CCKAR: variants seen among roughly 807,000 people sequenced by gnomAD.
CCKAR encodes cholecystokinin receptor type A.
CCKAR carries 21 observed loss-of-function variants against 29.8 expected under a neutral mutation model. The ratio of observed to expected loss-of-function variants is 0.70; its 90% CI spans 0.50 to 1.01. The LOEUF (loss-of-function observed/expected upper bound fraction) is 1.01, where lower values mean the gene tolerates loss of function less well. Among genes scored for constraint, CCKAR ranks in the 50% least tolerant of loss-of-function variants. The probability of loss-of-function intolerance (pLI) is 0.00; values close to 1 mark genes in which losing one functional copy is unlikely to be tolerated. For synonymous variants in CCKAR, 238 were observed against 221.3 expected (o/e 1.08, Z -0.67); for missense variants, 570 against 560.6 (o/e 1.02, Z -0.17).
intron 3 of CCKAR, 113 bp from the exon 4 acceptor site, chr4:26,483,396 T>C (rs1351030653): frequency 4.3e-6 from 4 of 921,706 alleles, no homozygotes; most frequent in Non-Finnish European, 6.4e-6. Context: ...AACACATTAA[T>C]TACTAGTATT....
chr4:26,487,980 C>T (rs187767053), intron 2 of CCKAR, among the ~76,000 whole-genome samples: 35 of 150,018 alleles, frequency 2.3e-4, no homozygotes, highest in Admixed American at 1.7e-3. Context: ...TTTGGTGGCA[C>T]GAGGGTCAGT....
intron 4 of CCKAR, among the ~76,000 whole-genome samples, chr4:26,482,484 C>A (rs945260283): frequency 6.6e-6 from 1 of 152,284 alleles, no homozygotes; most frequent in South Asian, 2.1e-4. Flanking sequence ...AGGGAAGGTT[C>A]CTGCTTGCTG....
intron 2 of CCKAR, 23 bp downstream of exon 2, chr4:26,489,210 A>G: frequency 6.2e-7 from 1 of 1,613,340 alleles, no homozygotes. Context: ...AAGCTCCAGA[A>G]AGAGTCACCA....
At chr4:26,483,030 A>C in intron 4 of CCKAR, 126 bp downstream of exon 4, 1 of 891,766 alleles carries the variant, frequency 1.1e-6, no homozygotes, top group Admixed American at 2.5e-5. Flanking sequence ...TTGACACAGA[A>C]TCTCATAAGA....
chr4:26,489,483 C>T lies in CCKAR; in HGVS notation c.114G>A (p.Glu38=). The T allele has an allele frequency of 1.2e-6, 2 of 1,613,448 alleles. No homozygotes were observed. Among genetic ancestry groups the T allele is most frequent in the African/African-American group, 1.3e-5 (1 of 75,036 alleles). Residue 38 remains glutamate, a splice_region_variant and synonymous_variant, in exon 2 of 5, where the codon GAG becomes GAA. Transcript: ENST00000295589. ...FCLDQPRPSK[E]WQPAVQILLY... Reference sequence around the variant, plus strand: ...AGAGAATCTGCACCGCTGGCTGCCACTCTGCAGAGAGAAACAGGAGCAAGA... The same window carrying T: ...AGAGAATCTGCACCGCTGGCTGCCATTCTGCAGAGAGAAACAGGAGCAAGA...
rs747224459 is a variant in CCKAR, at chr4:26,481,841, A to C, written c.1084T>G (p.Ser362Ala). ...TAGATGATGGGGTTGACGCAGGAGG[A>C]GGTGTAGGACAGGAGGAGGATGAAG... ...ISFILLLSYTSSCVNPIIYCF... is the reference protein window; with the variant it reads ...ISFILLLSYTASCVNPIIYCF... The change falls in exon 5 of 5, where the codon TCC (serine) becomes GCC (alanine). Residue 362 changes from serine to alanine, a missense_variant. Ser to Ala is a moderately conservative substitution (Grantham distance 99). Transcript: ENST00000295589. 2.5e-6 allele frequency: 4 copies of C among 1,613,640 alleles called. No homozygotes were observed. Among genetic ancestry groups the C allele is most frequent in the Middle Eastern group, 1.6e-4 (1 of 6,084 alleles).
Position 26,483,209 on chromosome 4 carries a change from A to G in CCKAR, c.701T>C (p.Leu234Ser). Reference protein sequence around the residue: ...VMMVAYGLISLELYQGIKFEA... With the variant: ...VMMVAYGLISSELYQGIKFEA... ...AAATTTTATTCCCTGGTAGAGTTCC[A>G]AAGAGATTAATCCATATGCCACCAT... is the stretch of plus-strand genomic sequence containing the variant. Residue 234 changes from leucine to serine, a missense_variant, in exon 4 of 5, where the codon TTG (leucine) becomes TCG (serine). Transcript: ENST00000295589. 6.2e-7 allele frequency: 1 copy of G among 1,613,902 alleles called. No individual in the cohort carries two copies. The highest frequency in any genetic ancestry group is 8.5e-7 in the Non-Finnish European group (1 of 1,179,890).
At chr4:26,482,557 A>C (rs1737371320) in intron 4 of CCKAR, among the ~76,000 whole-genome samples, 1 of 152,128 alleles carries the variant, frequency 6.6e-6, no homozygotes, top group Non-Finnish European at 1.5e-5. Context: ...TCCCATGAAA[A>C]CCAAAGAAGC....
At position 26,490,408 on chromosome 4, in the gene CCKAR, T is replaced by C. The variant is rs201311032; in HGVS notation, c.-141A>G. On this transcript the variant is annotated 5_prime_UTR_variant, in exon 1 of 5. Transcript: ENST00000295589. ...GGGAGTGATTTCCAGGTGTGGGCTTTTTCAGCCATTCCTAAAGGCGACTTG... is the reference window on the plus strand; with the variant it reads ...GGGAGTGATTTCCAGGTGTGGGCTTCTTCAGCCATTCCTAAAGGCGACTTG... 4.3e-5 allele frequency: 27 copies of C among 623,002 alleles called. No individual in the cohort carries two copies. In the African/African-American group the frequency reaches 5.0e-4, roughly 11 times the overall value. The allele number at this position is 623,002 out of a possible 1,614,324, so 38.6% of individuals were successfully genotyped here. A position where few individuals can be genotyped will look rare whatever the true frequency, so the allele number is the denominator to read the frequency against.
At chr4:26,483,506 T>G (rs1737392138) in intron 3 of CCKAR, among the ~76,000 whole-genome samples, 1 of 152,234 alleles carries the variant, frequency 6.6e-6, no homozygotes, top group Non-Finnish European at 1.5e-5. Context: ...ACTAGTTTAA[T>G]TGGAAAAGTT....
In CCKAR at chr4:26,490,405, CT is replaced by C; in HGVS notation, c.-139del. 1 of 627,250 alleles carries C rather than the reference CT, an allele frequency of 1.6e-6. No individual in the cohort carries two copies. The highest frequency in any genetic ancestry group is 2.9e-6 in the Non-Finnish European group (1 of 344,254). 38.9% of individuals were successfully genotyped at this position (627,250 alleles called of 1,614,324 possible). On this transcript the variant is annotated 5_prime_UTR_variant, in exon 1 of 5. It introduces an in-frame stop codon into an upstream open reading frame of the 5' UTR. Transcript: ENST00000295589. ...GGAGGGAGTGATTTCCAGGTGTGGG[CT>C]TTTTCAGCCATTCCTAAAGGCGACT...
intron 2 of CCKAR, among the ~76,000 whole-genome samples, chr4:26,486,099 A>G (rs1737445915): frequency 6.6e-6 from 1 of 152,224 alleles, no homozygotes. Flanking sequence ...CAGTTAAAGA[A>G]ATGGCTTTGT....
chr4:26,482,245 C>G, intron 4 of CCKAR, 75 bp from the exon 5 acceptor site: 1 of 1,430,408 alleles, frequency 7.0e-7, no homozygotes, highest in Non-Finnish European at 9.5e-7. Context: ...CCCCACTCCC[C>G]TCCATCAAGA....
Position 26,482,145 on chromosome 4 carries a change from G to T in CCKAR, c.780C>A (p.Ser260Arg), listed in dbSNP as rs200117329. ...ACCCATCGCTGTCCTCATATTTGCC[G>T]CTGCTGGTGGTGCTAGGTTTCCTTT... ...AKERKPSTTS[S>R]GKYEDSDGCY... The change falls in exon 5 of 5, where the codon AGC (serine) becomes AGA (arginine). Residue 260 changes from serine (S) to arginine (R), a missense_variant. Coordinates refer to ENST00000295589, the MANE Select transcript of CCKAR (RefSeq NM_000730.3). 1 of 1,610,926 alleles carries T rather than the reference G, an allele frequency of 6.2e-7. No homozygotes were observed.
At chr4:26,486,348 T>C (rs1358286749) in intron 2 of CCKAR, among the ~76,000 whole-genome samples, 1 of 152,216 alleles carries the variant, frequency 6.6e-6, no homozygotes, top group Non-Finnish European at 1.5e-5. Context: ...GAAAGGTCAC[T>C]GTGATGTGAG....
At chr4:26,486,147 A>G (rs1403567422) in intron 2 of CCKAR, among the ~76,000 whole-genome samples, 1 of 152,208 alleles carries the variant, frequency 6.6e-6, no homozygotes, top group Non-Finnish European at 1.5e-5. Flanking sequence ...AAGTTTATTG[A>G]GCTTTGATTA....
rs1187165696 is a variant in CCKAR at position 26,481,699 on chromosome 4, GT to G, written c.1225del (p.Thr409GlnfsTer13). On this transcript the variant is annotated frameshift_variant, in exon 5 of 5. Coordinates refer to ENST00000295589, the MANE Select transcript of CCKAR (RefSeq NM_000730.3). LOFTEE classifies it high-confidence loss of function. ...EVGEEEEGGT[T>X]GASLSRFSYS... Reference sequence around the variant, plus strand: ...CGAGAACCTGGACAGAGAGGCTCCTGTGGTCCCGCCTTCCTCCTCCTCCCCC... The same window carrying G: ...CGAGAACCTGGACAGAGAGGCTCCTGGGTCCCGCCTTCCTCCTCCTCCCCC... 1 of 1,614,104 alleles carries G rather than the reference GT, an allele frequency of 6.2e-7. No individual in the cohort carries two copies. Among genetic ancestry groups the G allele is most frequent in the East Asian group, 2.2e-5 (1 of 44,886 alleles).
intron 3 of CCKAR, among the ~76,000 whole-genome samples, chr4:26,484,273 T>G (rs1046439401): frequency 7.0e-4 from 106 of 152,294 alleles, no homozygotes; most frequent in African/African-American, 2.5e-3. Context: ...TTTCAAGCCT[T>G]GGAAATATTC....
At chr4:26,487,872 T>G (rs149536984) in intron 2 of CCKAR, among the ~76,000 whole-genome samples, 319 of 152,260 alleles carry the variant, frequency 2.1e-3, no homozygotes, top group African/African-American at 7.5e-3. Context: ...TAGTTATTAT[T>G]ATTGCTTCAT....
Sources: allele counts gnomAD v4.1 joint callset (sites outside exome capture counted in the v4.1 genomes callset), GRCh38; gene constraint gnomAD v4.1.1; transcripts MANE v1.5; gene names NCBI Gene and HGNC (gene_info 2026-07-23, HGNC 2026-07-21).